Variants in INSYN2A observed in about 807,000 individuals in gnomAD.
INSYN2A encodes inhibitory synaptic factor 2A.
In INSYN2A, 17 loss-of-function variants were observed where a neutral mutation model predicts 39.4. The observed-to-expected ratio is 0.43, with a 90% CI of 0.30 to 0.65. The LOEUF (loss-of-function observed/expected upper bound fraction) is 0.65, where lower values mean the gene tolerates loss of function less well. Ranked by LOEUF, INSYN2A falls within the 30% of genes least tolerant of loss-of-function variation. The pLI, the probability that INSYN2A is intolerant of heterozygous loss-of-function variation, is 0.14. For missense variants in INSYN2A, 595 were observed against 631.2 expected, an observed-to-expected ratio of 0.94 and a Z score of 0.61; for synonymous variants, 255 against 265.7, an observed-to-expected ratio of 0.96 and a Z score of 0.39.
intron 5 of INSYN2A, among the ~76,000 whole-genome samples, chr10:127,150,985 C>T (rs902442363): frequency 8.5e-5 from 13 of 152,170 alleles, no homozygotes; most frequent in Non-Finnish European, 1.9e-4. Context: ...GATTTCAATT[C>T]ATGCGATTCA....
At chr10:127,156,553 CTTCTTCTT>C (rs1735567267) in intron 4 of INSYN2A, among the ~76,000 whole-genome samples, 1 of 93,996 alleles carries the variant, frequency 1.1e-5, no homozygotes, top group South Asian at 4.2e-4. Context: ...TCTTCTTCTT[CTTCTTCTT>C]CTTTTTTTTT....
chr10:127,145,993 C>G, intron 5 of INSYN2A: 1 of 516,936 alleles, frequency 1.9e-6, no homozygotes, highest in Non-Finnish European at 3.9e-6. Flanking sequence ...GGACCCCGCA[C>G]CCTGAATTCC....
At chr10:127,152,177 A>T (rs572987336) in intron 5 of INSYN2A, among the ~76,000 whole-genome samples, 1 of 152,098 alleles carries the variant, frequency 6.6e-6, no homozygotes, top group African/African-American at 2.4e-5. Flanking sequence ...AACTCTGAGT[A>T]CGTGCCAGGT....
intron 4 of INSYN2A, among the ~76,000 whole-genome samples, chr10:127,170,056 A>G (rs966177809): frequency 2.6e-5 from 4 of 151,700 alleles, no homozygotes; most frequent in African/African-American, 9.7e-5. Context: ...TCACACCACC[A>G]AGAAACCACC....
intron 5 of INSYN2A, among the ~76,000 whole-genome samples, chr10:127,151,114 A>T (rs913728139): frequency 1.3e-5 from 2 of 152,224 alleles, no homozygotes; most frequent in Non-Finnish European, 2.9e-5. Flanking sequence ...CTCTTCCTGC[A>T]GACCTCAGAA....
chr10:127,191,986 A>G (rs1468817765), intron 2 of INSYN2A, among the ~76,000 whole-genome samples: 1 of 152,232 alleles, frequency 6.6e-6, no homozygotes, highest in Admixed American at 6.5e-5. Flanking sequence ...GGCCAAAGCT[A>G]GATTATTAAG....
chr10:127,185,592 A>G (rs899026882), intron 2 of INSYN2A, among the ~76,000 whole-genome samples: 24 of 152,314 alleles, frequency 1.6e-4, no homozygotes, highest in African/African-American at 5.8e-4. Flanking sequence ...TACAATATTA[A>G]TGGCTTCCAA....
chr10:127,174,363 G>C (rs1042490818), intron 4 of INSYN2A, among the ~76,000 whole-genome samples: 11 of 152,180 alleles, frequency 7.2e-5, no homozygotes, highest in African/African-American at 1.9e-4. Context: ...ACCCAGAGTA[G>C]AACAGGCTGC....
chr10:127,183,561 G>C (rs2133992918), intron 2 of INSYN2A, among the ~76,000 whole-genome samples: 1 of 152,254 alleles, frequency 6.6e-6, no homozygotes, highest in East Asian at 1.9e-4. Context: ...TGCACTTGGG[G>C]TCCATGTACA....
intron 4 of INSYN2A, among the ~76,000 whole-genome samples, chr10:127,168,100 C>T (rs2054244904): frequency 6.6e-6 from 1 of 152,094 alleles, no homozygotes; most frequent in Non-Finnish European, 1.5e-5. Context: ...GGTTAATAAG[C>T]CTGTGCACGC....
At chr10:127,155,752 A>T (rs1303176787) in intron 4 of INSYN2A, among the ~76,000 whole-genome samples, 5 of 152,112 alleles carry the variant, frequency 3.3e-5, no homozygotes, top group African/African-American at 9.7e-5. Context: ...CTTGCCCTAT[A>T]TAGACTTACA....
chr10:127,168,957 T>A (rs1236131961), intron 4 of INSYN2A, among the ~76,000 whole-genome samples: 1 of 152,218 alleles, frequency 6.6e-6, no homozygotes, highest in Non-Finnish European at 1.5e-5. Context: ...CAGAGATTTC[T>A]TATCCCCTGA....
intron 4 of INSYN2A, among the ~76,000 whole-genome samples, chr10:127,161,363 T>G (rs1159865969): frequency 6.6e-6 from 1 of 152,174 alleles, no homozygotes; most frequent in Non-Finnish European, 1.5e-5. Flanking sequence ...TGGCTTTTGG[T>G]GATGGTTTGT....
At chr10:127,174,801 CT>C in intron 4 of INSYN2A, among the ~76,000 whole-genome samples, 1 of 152,344 alleles carries the variant, frequency 6.6e-6, no homozygotes, top group East Asian at 1.9e-4. Flanking sequence ...TTTCCTTTCT[CT>C]TCCTAATACG....
In INSYN2A at chr10:127,176,038, G is replaced by A. The variant is rs749601333; in HGVS notation, c.358C>T (p.Leu120=). The A allele has an allele frequency of 6.2e-7, 1 of 1,614,166 alleles. No homozygotes were observed. Among genetic ancestry groups the A allele is most frequent in the Non-Finnish European group, 8.5e-7 (1 of 1,180,038 alleles). ...DLKKCYQTFP[L]DRKKGNLKSL... ...TTGAGGTTCCCCTTTTTGCGGTCCAGAGGGAACGTCTGGTAACACTTCTTA... is the reference window on the plus strand; with the variant it reads ...TTGAGGTTCCCCTTTTTGCGGTCCAAAGGGAACGTCTGGTAACACTTCTTA... Residue 120 remains leucine (L), a synonymous_variant, in exon 4 of 6, where the codon CTG becomes TTG. Transcript: ENST00000522781. The surrounding 1 kb of genome is among the most constrained non-coding windows in gnomAD (Gnocchi z 4.4).
At chr10:127,195,155 A>C (rs566949220) in intron 1 of INSYN2A, among the ~76,000 whole-genome samples, 1 of 152,132 alleles carries the variant, frequency 6.6e-6, no homozygotes, top group Non-Finnish European at 1.5e-5. Context: ...TCTTTATCCA[A>C]GCAGTGGGGA....
intron 4 of INSYN2A, among the ~76,000 whole-genome samples, chr10:127,159,926 C>T (rs1411726074): frequency 6.6e-6 from 1 of 152,096 alleles, no homozygotes; most frequent in Non-Finnish European, 1.5e-5. Context: ...CATGCTGACA[C>T]CACAGGGAGA....
At chr10:127,169,366 G>A (rs1019056364) in intron 4 of INSYN2A, among the ~76,000 whole-genome samples, 1 of 152,190 alleles carries the variant, frequency 6.6e-6, no homozygotes, top group African/African-American at 2.4e-5. Flanking sequence ...CATCACTTCA[G>A]TGATGTTTGG....
rs190160935 is a variant in INSYN2A, at chr10:127,196,097, A to C, written c.-495T>G. 1,159 of 152,194 alleles carry C rather than the reference A, an allele frequency of 7.6e-3. 7 individuals carry two copies. The highest frequency in any genetic ancestry group is 0.017 in the African/African-American group (702 of 41,562). 9.4% of individuals were successfully genotyped at this position (152,194 alleles called of 1,614,324 possible). On this transcript the variant is annotated 5_prime_UTR_variant, in exon 1 of 6. Coordinates refer to ENST00000522781, the MANE Select transcript of INSYN2A (RefSeq NM_001039762.3). ...CCTGGGGCGGCACGGAGCACTCCGG[A>C]CAGGGCATCCGCGGCCAGACTCGCC...
Sources: gnomAD v4.1 joint callset for allele counts (sites outside exome capture counted in the v4.1 genomes callset) on GRCh38, gnomAD v4.1.1 for gene constraint, Gnocchi (gnomAD v3.1) non-coding constraint, MANE v1.5 for transcripts, NCBI Gene and HGNC (gene_info 2026-07-23, HGNC 2026-07-21) for gene names.